LRP2: variants seen among roughly 807,000 people sequenced by gnomAD.
The protein encoded by LRP2 is LDL receptor related protein 2.
A neutral mutation model predicts 531.0 loss-of-function variants in LRP2; 172 were observed. That is an observed-to-expected ratio of 0.32 (90% CI 0.29 to 0.37). LRP2 has a LOEUF of 0.37. LRP2 is among the 10% of genes least tolerant of loss of function. The probability of loss-of-function intolerance (pLI) is 1.00; values close to 1 mark genes in which losing one functional copy is unlikely to be tolerated. For synonymous variants in LRP2, 1,992 were observed against 2,027.6 expected (o/e 0.98, Z 0.47); for missense variants, 5,167 against 5,868.3 (o/e 0.88, Z 3.90).
chr2:169,177,064 A>G (rs986982295), intron 53 of LRP2, among the ~76,000 whole-genome samples: 2 of 152,202 alleles, frequency 1.3e-5, no homozygotes, highest in Non-Finnish European at 2.9e-5. Context: ...ATTTGCTTGA[A>G]CTTCTAATAA....
intron 22 of LRP2, among the ~76,000 whole-genome samples, 156 bp downstream of exon 22, chr2:169,244,537 T>C (rs1313388140): frequency 1.3e-5 from 2 of 152,248 alleles, no homozygotes; most frequent in Admixed American, 6.5e-5. Flanking sequence ...GCCTTTGTTC[T>C]TGTAACCTAT....
intron 62 of LRP2, among the ~76,000 whole-genome samples, chr2:169,164,202 T>C (rs1436895818): frequency 6.6e-6 from 1 of 152,238 alleles, no homozygotes. Context: ...ATTTCTATTG[T>C]GTTGCCCCTG....
At chr2:169,349,999 G>A (rs556365971) in intron 1 of LRP2, among the ~76,000 whole-genome samples, 93 of 152,318 alleles carry the variant, frequency 6.1e-4, no homozygotes, top group African/African-American at 2.2e-3. Flanking sequence ...AATCAGTATG[G>A]AAGCCATTGC....
chr2:169,201,978 G>T lies in LRP2; in HGVS notation c.8210-108C>A, dbSNP rs193257158. On this transcript the variant is annotated intron_variant, in intron 43 of 78. Coordinates refer to ENST00000649046, the MANE Select transcript of LRP2 (RefSeq NM_004525.3). ...AGACACTTTGAATTTACCTTCCAAG[G>T]CAAAAAACGCTGCAAAATGGACTGC... The T allele has an allele frequency of 9.1e-3, 12,828 of 1,409,722 alleles. 90 individuals carry two copies. The highest frequency in any genetic ancestry group is 0.011 in the Non-Finnish European group (10,950 of 1,028,274). The allele number at this position is 1,409,722 out of a possible 1,614,324, so 87.3% of individuals were successfully genotyped here. A position where few individuals can be genotyped will look rare whatever the true frequency, so the allele number is the denominator to read the frequency against.
chr2:169,361,560 T>TAAAACAGAACTA (rs1686166042), intron 1 of LRP2, among the ~76,000 whole-genome samples: 1 of 152,122 alleles, frequency 6.6e-6, no homozygotes. Context: ...TCTTCTCTGT[T>TAAAACAGAACTA]TCTGTTAAAA....
At chr2:169,283,186 T>C (rs578208940) in intron 9 of LRP2, among the ~76,000 whole-genome samples, 185 bp from the exon 10 acceptor site, 1 of 152,260 alleles carries the variant, frequency 6.6e-6, no homozygotes, top group East Asian at 1.9e-4. Context: ...AAAAAGAACA[T>C]TTACATCATT....
chr2:169,203,026 C>T, intron 42 of LRP2, 67 bp from the exon 43 acceptor site: 1 of 1,307,240 alleles, frequency 7.6e-7, no homozygotes. Flanking sequence ...GACCCCTCCA[C>T]AATAGCACTT....
chr2:169,130,345 T>A (rs1685239223), intron 77 of LRP2, among the ~76,000 whole-genome samples: 3 of 150,698 alleles, frequency 2.0e-5, no homozygotes, highest in Non-Finnish European at 3.0e-5. Flanking sequence ...TGGAGTGCAG[T>A]GTCACAGTCT....
chr2:169,262,683 T>C (rs368280850), intron 16 of LRP2, among the ~76,000 whole-genome samples: 3 of 149,332 alleles, frequency 2.0e-5, no homozygotes, highest in Non-Finnish European at 3.0e-5. Context: ...AGGTAATTTA[T>C]AGATTCAATG....
intron 1 of LRP2, among the ~76,000 whole-genome samples, chr2:169,321,868 C>G (rs1684917492): frequency 1.3e-5 from 2 of 152,186 alleles, no homozygotes; most frequent in South Asian, 4.1e-4. Flanking sequence ...AACAAGCTCA[C>G]TTCACTGAAC....
chr2:169,326,371 A>G (rs1685059968), intron 1 of LRP2, among the ~76,000 whole-genome samples: 1 of 148,372 alleles, frequency 6.7e-6, no homozygotes, highest in Non-Finnish European at 1.5e-5. Context: ...GCGCGCCACC[A>G]CGCCTGACTG....
intron 44 of LRP2, among the ~76,000 whole-genome samples, chr2:169,199,685 A>G (rs1458492499): frequency 1.3e-5 from 2 of 152,224 alleles, no homozygotes; most frequent in African/African-American, 4.8e-5. Flanking sequence ...AAAATTCCAA[A>G]TATCTTTAAA....
rs1689797556 is a variant in LRP2, at chr2:169,241,360, T to C, written c.3673A>G (p.Arg1225Gly). 5.6e-6 allele frequency: 9 copies of C among 1,614,034 alleles called. No homozygotes were observed. Among genetic ancestry groups the C allele is most frequent in the Non-Finnish European group, 6.8e-6 (8 of 1,180,034 alleles). ...TCTGAGTGGCACATACCAGGAGGCCTGGTTGCTAGAAGGAAAACATGGGGT... is the reference window on the plus strand; with the variant it reads ...TCTGAGTGGCACATACCAGGAGGCCCGGTTGCTAGAAGGAAAACATGGGGT... ...DNSDEAGCPTRPPGMCHSDEF... is the reference protein window; with the variant it reads ...DNSDEAGCPTGPPGMCHSDEF... Residue 1225 changes from arginine to glycine, a missense_variant, in exon 25 of 79, where the codon AGG becomes GGG. Coordinates refer to ENST00000649046, the MANE Select transcript of LRP2 (RefSeq NM_004525.3).
At chr2:169,197,584 G>A (rs751297640) in intron 45 of LRP2, among the ~76,000 whole-genome samples, 2 of 152,172 alleles carry the variant, frequency 1.3e-5, no homozygotes, top group Non-Finnish European at 1.5e-5. Context: ...AGTAATTTTA[G>A]GTAGCTCTGG....
chr2:169,213,826 T>A lies in LRP2; in HGVS notation c.5871A>T (p.Val1957=). The A allele has an allele frequency of 6.2e-7, 1 of 1,613,822 alleles. No individual in the cohort carries two copies. Among genetic ancestry groups the A allele is most frequent in the Middle Eastern group, 1.7e-4 (1 of 6,050 alleles). The part of the protein sequence containing the change: ...NVDGTDRMIL[V]HQLSHPWGIA... ...TTCCCCAGGGGTGGGAAAGCTGGTGTACCAGGATCATTCGATCTGTTCCAT... is the reference window on the plus strand; with the variant it reads ...TTCCCCAGGGGTGGGAAAGCTGGTGAACCAGGATCATTCGATCTGTTCCAT... The change falls in exon 36 of 79, where the codon GTA becomes GTT. Residue 1957 remains valine (V), a synonymous_variant. Coordinates refer to ENST00000649046, the MANE Select transcript of LRP2 (RefSeq NM_004525.3).
At chr2:169,260,220 G>C (rs1690490481) in intron 16 of LRP2, among the ~76,000 whole-genome samples, 1 of 152,100 alleles carries the variant, frequency 6.6e-6, no homozygotes, top group Non-Finnish European at 1.5e-5. Context: ...AGGCAACTAG[G>C]CCAAGAGACA....
chr2:169,212,690 T>C (rs1688635116), intron 36 of LRP2, among the ~76,000 whole-genome samples: 1 of 151,784 alleles, frequency 6.6e-6, no homozygotes, highest in Non-Finnish European at 1.5e-5. Flanking sequence ...AAACATCGCA[T>C]GTTCTCACTG....
At position 169,169,710 on chromosome 2, in the gene LRP2, G is replaced by A; in HGVS notation, c.11489C>T (p.Ala3830Val). The change falls in exon 60 of 79, where the codon GCT (alanine) becomes GTT (valine). Residue 3830 changes from alanine to valine, a missense_variant. By Grantham distance (64) the Ala-to-Val change is moderately conservative. This residue lies in a region of LRP2 where 564 missense variants were observed against 747.7 expected (regional missense o/e 0.75). Coordinates refer to ENST00000649046, the MANE Select transcript of LRP2 (RefSeq NM_004525.3). ...SADCLDASDE[A>V]DCPTRFPDGA... ...TGTGTCTAGGGACTTACGACAATCAGCTTCATCAGACGCATCCAAACAGTC... is the reference window on the plus strand; with the variant it reads ...TGTGTCTAGGGACTTACGACAATCAACTTCATCAGACGCATCCAAACAGTC... The A allele has an allele frequency of 6.2e-7, 1 of 1,613,790 alleles. No homozygotes were observed. The highest frequency in any genetic ancestry group is 1.3e-5 in the African/African-American group (1 of 75,030).
At position 169,137,293 on chromosome 2, in the gene LRP2, C is replaced by G. The variant is rs530035370; in HGVS notation, c.13620+99G>C. ...CATGGACCACTCACTATGCTTCCTT[C>G]CCTTTGGAGGGAAGGTTAGGAAAAT... On this transcript the variant is annotated intron_variant, in intron 76 of 78. Transcript: ENST00000649046. 3.1e-4 allele frequency: 280 copies of G among 913,400 alleles called. 3 individuals are homozygous for G. Among genetic ancestry groups the G allele is most frequent in the Admixed American group, 8.9e-4 (52 of 58,222 alleles). The allele number at this position is 913,400 out of a possible 1,614,324, so 56.6% of individuals were successfully genotyped here.
Sources: allele counts gnomAD v4.1 joint callset (sites outside exome capture counted in the v4.1 genomes callset), GRCh38; gene constraint gnomAD v4.1.1; regional missense constraint gnomAD v4.1.1; transcripts MANE v1.5; gene names NCBI Gene and HGNC (gene_info 2026-07-23, HGNC 2026-07-21).